PTCH1: variants seen among roughly 807,000 people sequenced by gnomAD.
PTCH1 encodes the protein protein patched homolog 1.
A neutral mutation model predicts 144.6 loss-of-function variants in PTCH1; 14 were observed. The observed-to-expected ratio is 0.10, with a 90% CI of 0.06 to 0.15. The LOEUF (loss-of-function observed/expected upper bound fraction) is 0.15, where lower values mean the gene tolerates loss of function less well. Ranked by LOEUF, PTCH1 falls within the 10% of genes least tolerant of loss-of-function variation. The probability of loss-of-function intolerance (pLI) is 1.00; values close to 1 mark genes in which losing one functional copy is unlikely to be tolerated. For synonymous variants in PTCH1, 833 were observed against 793.6 expected, an observed-to-expected ratio of 1.05 and a Z score of -0.83; for missense variants, 1,623 against 1,948.3, an observed-to-expected ratio of 0.83 and a Z score of 3.14.
chr9:95,473,922 A>G (rs1306171955), intron 12 of PTCH1: 1 of 367,584 alleles, frequency 2.7e-6, no homozygotes, highest in Admixed American at 3.3e-5. Context: ...TGGAAGCTAT[A>G]GTTGCAATTT....
Position 95,458,277 on chromosome 9 carries a change from G to A in PTCH1, c.2904C>T (p.Pro968=). 1.9e-6 allele frequency: 3 copies of A among 1,613,914 alleles called. No individual in the cohort carries two copies. Among genetic ancestry groups the A allele is most frequent in the Non-Finnish European group, 2.5e-6 (3 of 1,180,002 alleles). ...AGAAAGGGAACTGGGCATACTCGAT[G>A]GGCTCTGCTGCCGGGACTGGACAGA... ...ETRLRIPAAE[P]IEYAQFPFYL... is the part of the protein sequence containing the mutation. The change falls in exon 18 of 24, where the codon CCC becomes CCT. Residue 968 remains proline (P), a synonymous_variant. Transcript: ENST00000331920. The surrounding 1 kb of genome is among the most constrained non-coding windows in gnomAD (Gnocchi z 4.7).
At position 95,506,059 on chromosome 9, in the gene PTCH1, G is replaced by C. The variant is rs1024074593; in HGVS notation, c.394+348C>G. ...GCGGGGCCGGGAGAGGCCAGCCCCG[G>C]GGCGCCTCTCGGGGCGCGGCCCAGG... On this transcript the variant is annotated intron_variant, in intron 2 of 23. Transcript: ENST00000331920. Among the ~76,000 whole-genome samples, 8 of 148,074 alleles carry C rather than the reference G, an allele frequency of 5.4e-5. No individual in the cohort carries two copies. The South Asian group carries it at 1.7e-3, about 31-fold the overall frequency.
chr9:95,510,433 G>C (rs1010242446), upstream of PTCH1, among the ~76,000 whole-genome samples: 1 of 152,218 alleles, frequency 6.6e-6, no homozygotes, highest in African/African-American at 2.4e-5. Context: ...CGCTTCCCGC[G>C]GAGGGGGAAA....
chr9:95,496,104 A>G (rs1263986689), intron 2 of PTCH1, among the ~76,000 whole-genome samples: 1 of 152,186 alleles, frequency 6.6e-6, no homozygotes, highest in African/African-American at 2.4e-5. Context: ...CTGGAACACA[A>G]TACTTTCGCA....
Position 95,453,314 on chromosome 9 carries a change from T to C in PTCH1, c.3449+164A>G. On this transcript the variant is annotated intron_variant, in intron 20 of 23. Coordinates refer to ENST00000331920, the MANE Select transcript of PTCH1 (RefSeq NM_000264.5). ...GCCCGGCTAATTTTTGTATTTTGAG[T>C]GGAGATGAGTTTCACCATCTTGGCC... 3.0e-6 allele frequency: 3 copies of C among 984,968 alleles called. No individual in the cohort carries two copies. In the South Asian group the frequency reaches 4.2e-5, roughly 14 times the overall value. 61.0% of individuals were successfully genotyped at this position (984,968 alleles called of 1,614,324 possible).
chr9:95,504,604 C>T (rs566790403), intron 2 of PTCH1, among the ~76,000 whole-genome samples: 1 of 151,844 alleles, frequency 6.6e-6, no homozygotes, highest in Non-Finnish European at 1.5e-5. Flanking sequence ...CCCTCCCTGT[C>T]CTCATGCCCT....
intron 2 of PTCH1, among the ~76,000 whole-genome samples, chr9:95,500,692 T>A (rs940593417): frequency 6.6e-6 from 1 of 152,116 alleles, no homozygotes; most frequent in Admixed American, 6.5e-5. Flanking sequence ...GGGGAGTGGT[T>A]TGTGACAGAA....
rs144971676 is a variant in PTCH1, at chr9:95,489,616, T to C, written c.395-3742A>G. ...ATCCTCCTGCCTTGGCCTCCCAAAG[T>C]GCTGGGATTTCAGGCATGACTTTTT... On this transcript the variant is annotated intron_variant, in intron 2 of 23. Transcript: ENST00000331920. Among the ~76,000 whole-genome samples, 1,347 of 152,266 alleles carry C rather than the reference T, an allele frequency of 8.8e-3. 12 individuals are homozygous for C. Among genetic ancestry groups the C allele is most frequent in the Non-Finnish European group, 0.014 (946 of 68,008 alleles).
chr9:95,506,681 G>GCGCGCACCCGCCCGA (rs1843678891), intron 1 of PTCH1, 82 bp from the exon 2 acceptor site: 2 of 1,151,720 alleles, frequency 1.7e-6, no homozygotes, highest in Non-Finnish European at 2.3e-6. Flanking sequence ...CACCCGCCCG[G>GCGCGCACCCGCCCGA]TGAGCCCCCA....
chr9:95,447,488 C>T (rs751817789), intron 22 of PTCH1, 37 bp from the exon 23 acceptor site: 30 of 1,511,366 alleles, frequency 2.0e-5, no homozygotes, highest in Non-Finnish European at 6.2e-6. Flanking sequence ...GGGTGGTATC[C>T]CAGGCTGGGC....
intron 2 of PTCH1, chr9:95,503,491 G>C (rs1843294089): frequency 6.6e-6 from 1 of 152,172 alleles, no homozygotes; most frequent in Admixed American, 6.5e-5. Flanking sequence ...CACCTCTCTA[G>C]TTGGGTCTAT....
At chr9:95,461,349 G>T (rs1382970481) in intron 16 of PTCH1, among the ~76,000 whole-genome samples, 2 of 152,084 alleles carry the variant, frequency 1.3e-5, no homozygotes, top group South Asian at 2.1e-4. Flanking sequence ...CTACTCCTGG[G>T]GCCAGGGCCA....
chr9:95,493,842 AAATTCACGGGCTGTG>A (rs1305900441), intron 2 of PTCH1, among the ~76,000 whole-genome samples: 12 of 152,264 alleles, frequency 7.9e-5, no homozygotes, highest in African/African-American at 2.9e-4. Context: ...AATTGGCTGA[AAATTCACGGGCTGTG>A]AATTTTAGTC....
At chr9:95,507,337 C>G (rs1195751773) in intron 1 of PTCH1, 2 of 985,402 alleles carry the variant, frequency 2.0e-6, no homozygotes, top group African/African-American at 3.5e-5. Flanking sequence ...GGGCTCAGGC[C>G]GGCGCAGGCT....
At chr9:95,446,665 G>A (rs1837922070) in intron 23 of PTCH1, 1 of 604,416 alleles carries the variant, frequency 1.7e-6, no homozygotes, top group Non-Finnish European at 3.0e-6. Context: ...TGTCCTTGTG[G>A]CGCTGCACCG....
rs1195417609 is a variant in PTCH1 at position 95,447,209 on chromosome 9, A to G, written c.4047T>C (p.Pro1349=). Residue 1349 remains proline (P), a synonymous_variant, in exon 23 of 24, where the codon CCT becomes CCC. Transcript: ENST00000331920. ...WGPRGARSHN[P]RNPASTAMGS... ...CCATGGCAGTGGACGCTGGGTTCCG[A>G]GGGTTGTGAGAACGGGCCCCGCGAG... The G allele has an allele frequency of 1.2e-6, 2 of 1,612,852 alleles. No individual in the cohort carries two copies. The highest frequency in any genetic ancestry group is 1.3e-5 in the African/African-American group (1 of 75,018).
intron 12 of PTCH1, among the ~76,000 whole-genome samples, chr9:95,471,082 CAAAAAAAAAAAA>C (rs199981267): frequency 0.14 from 17,117 of 126,784 alleles, 1,117 homozygotes; most frequent in African/African-American, 0.2. Context: ...GAGTCTGTCT[CAAAAAAAAAAAA>C]GAAAGAAAGA....
At chr9:95,514,225 A>T (rs563416640), upstream of PTCH1, 1 of 152,328 alleles carries the variant, frequency 6.6e-6, no homozygotes, top group Admixed American at 6.5e-5. Flanking sequence ...CTCTCTCTCC[A>T]AATATATTCT....
At chr9:95,466,837 G>A (rs937871016) in intron 15 of PTCH1, among the ~76,000 whole-genome samples, 2 of 152,106 alleles carry the variant, frequency 1.3e-5, no homozygotes, top group Non-Finnish European at 2.9e-5. Context: ...CAGAAGCCTC[G>A]GCTCCACCTG....
Sources: allele counts gnomAD v4.1 joint callset (sites outside exome capture counted in the v4.1 genomes callset), GRCh38; gene constraint gnomAD v4.1.1; non-coding constraint Gnocchi (gnomAD v3.1); transcripts MANE v1.5; gene names NCBI Gene and HGNC (gene_info 2026-07-23, HGNC 2026-07-21).